Variants in SLC39A10 observed in about 807,000 individuals in gnomAD.
SLC39A10 encodes solute carrier family 39 member 10.
SLC39A10 carries 13 observed loss-of-function variants against 65.1 expected under a neutral mutation model. That is an observed-to-expected ratio of 0.20 (90% CI 0.13 to 0.32). The LOEUF (loss-of-function observed/expected upper bound fraction) is 0.32. SLC39A10 is among the 10% of genes least tolerant of loss of function. The pLI is 1.00. For synonymous variants in SLC39A10, 321 were observed against 342.2 expected, an observed-to-expected ratio of 0.94 and a Z score of 0.68; for missense variants, 831 against 1,018.4, an observed-to-expected ratio of 0.82 and a Z score of 2.50.
intron 8 of SLC39A10, among the ~76,000 whole-genome samples, chr2:195,722,562 G>A (rs1031724543): frequency 7.2e-5 from 11 of 152,178 alleles, no homozygotes; most frequent in Non-Finnish European, 2.9e-5. Flanking sequence ...ATTCTTACTC[G>A]GAGAGGAACA....
At chr2:195,628,404 T>C (rs1688517661) in intron 2 of SLC39A10, among the ~76,000 whole-genome samples, 1 of 152,230 alleles carries the variant, frequency 6.6e-6, no homozygotes, top group Non-Finnish European at 1.5e-5. Flanking sequence ...GATTGTTAAA[T>C]TGCTTTATCA....
At chr2:195,644,494 AC>A (rs1292933879) in intron 2 of SLC39A10, among the ~76,000 whole-genome samples, 1 of 151,824 alleles carries the variant, frequency 6.6e-6, no homozygotes, top group Non-Finnish European at 1.5e-5. Flanking sequence ...GGCATGCACC[AC>A]CACACCCGGC....
At chr2:195,709,521 C>T (rs1264917377) in intron 5 of SLC39A10, among the ~76,000 whole-genome samples, 2 of 152,098 alleles carry the variant, frequency 1.3e-5, no homozygotes, top group African/African-American at 2.4e-5. Context: ...CATGAGCCAC[C>T]ATGCCTGGTG....
At chr2:195,639,159 C>T (rs1230501067) in intron 2 of SLC39A10, among the ~76,000 whole-genome samples, 2 of 152,046 alleles carry the variant, frequency 1.3e-5, no homozygotes, top group Admixed American at 6.5e-5. Flanking sequence ...GCTATGTTGC[C>T]CAGGCTGGTG....
chr2:195,712,113 G>A (rs563518723), intron 5 of SLC39A10, among the ~76,000 whole-genome samples: 2 of 152,174 alleles, frequency 1.3e-5, no homozygotes, highest in Non-Finnish European at 2.9e-5. Context: ...AGGATGTATA[G>A]GGCTGGAAAG....
At chr2:195,677,593 G>T (rs1690143158) in intron 1 of SLC39A10, among the ~76,000 whole-genome samples, 1 of 151,912 alleles carries the variant, frequency 6.6e-6, no homozygotes, top group Non-Finnish European at 1.5e-5. Context: ...CTTTATATAA[G>T]AATTATACTG....
intron 4 of SLC39A10, 140 bp downstream of exon 4, chr2:195,706,925 C>A (rs1227549267): frequency 3.6e-6 from 2 of 560,798 alleles, no homozygotes; most frequent in Non-Finnish European, 5.4e-6. Flanking sequence ...TTTTTTTCTC[C>A]ATTTTCAGAG....
At position 195,705,108 on chromosome 2, in the gene SLC39A10, A is replaced by C. The variant is rs79568426; in HGVS notation, c.1217-1508A>C. ...ACCACGCCAGGCCGCAATCCTCCTCATCCTTTCTTTCCACTAACCAGGATA... is the reference window on the plus strand; with the variant it reads ...ACCACGCCAGGCCGCAATCCTCCTCCTCCTTTCTTTCCACTAACCAGGATA... On this transcript the variant is annotated intron_variant, in intron 3 of 9. Coordinates refer to ENST00000359634, the MANE Select transcript of SLC39A10 (RefSeq NM_020342.3). Among the ~76,000 whole-genome samples the C allele has an allele frequency of 0.019, 2,906 of 152,190 alleles. 233 individuals are homozygous for C. The East Asian group carries it at 0.26, about 14-fold the overall frequency.
At chr2:195,675,866 A>G (rs1190250159) in intron 1 of SLC39A10, among the ~76,000 whole-genome samples, 1 of 152,116 alleles carries the variant, frequency 6.6e-6, no homozygotes, top group Non-Finnish European at 1.5e-5. Context: ...CTGTACCAAT[A>G]TATACTTCCA....
At chr2:195,700,999 G>T (rs1367942450) in intron 3 of SLC39A10, among the ~76,000 whole-genome samples, 3 of 151,604 alleles carry the variant, frequency 2.0e-5, no homozygotes, top group African/African-American at 4.8e-5. Flanking sequence ...AAATATTCTT[G>T]CTGTCCCTCC....
At chr2:195,733,681 C>T (rs986788479) in intron 9 of SLC39A10, among the ~76,000 whole-genome samples, 1 of 152,080 alleles carries the variant, frequency 6.6e-6, no homozygotes, top group African/African-American at 2.4e-5. Flanking sequence ...CAGGCATGCA[C>T]CACCATGCCC....
chr2:195,730,518 A>T (rs1559053504), intron 9 of SLC39A10, among the ~76,000 whole-genome samples: 1 of 152,024 alleles, frequency 6.6e-6, no homozygotes, highest in East Asian at 1.9e-4. Context: ...TTTCTATAAT[A>T]CCACAATTTC....
At chr2:195,636,340 T>G (rs543664478) in intron 2 of SLC39A10, among the ~76,000 whole-genome samples, 231 of 152,378 alleles carry the variant, frequency 1.5e-3, no homozygotes, top group African/African-American at 5.0e-3. Context: ...CATATGTAAT[T>G]GGTTTATTTC....
At chr2:195,702,943 T>G (rs1691250071) in intron 3 of SLC39A10, among the ~76,000 whole-genome samples, 1 of 152,204 alleles carries the variant, frequency 6.6e-6, no homozygotes, top group African/African-American at 2.4e-5. Flanking sequence ...GCATTTTCCA[T>G]GAACTTTTTG....
At chr2:195,669,910 C>T (rs892245699) in intron 1 of SLC39A10, among the ~76,000 whole-genome samples, 3 of 152,168 alleles carry the variant, frequency 2.0e-5, no homozygotes, top group African/African-American at 7.2e-5. Flanking sequence ...CCTGTAATCC[C>T]ACCACTTTGG....
chr2:195,682,571 G>A (rs1690367088), intron 2 of SLC39A10, among the ~76,000 whole-genome samples: 1 of 152,008 alleles, frequency 6.6e-6, no homozygotes. Flanking sequence ...GGATTACAGT[G>A]CATTAATTAT....
intron 1 of SLC39A10, among the ~76,000 whole-genome samples, chr2:195,676,193 C>A (rs898563261): frequency 6.7e-6 from 1 of 149,016 alleles, no homozygotes; most frequent in African/African-American, 2.5e-5. Flanking sequence ...CCTCCCCTGC[C>A]GCCACCGAGA....
rs1404275388 is a variant in SLC39A10, at chr2:195,623,155, G to A, written c.-12+16922G>A. On this transcript the variant is annotated intron_variant, in intron 2 of 2. Transcript: ENST00000458054. ...GAAAGGGGTATGAGGAAAGTTAAGTGTGAAAGTATGTATGTAAATGAATCA... is the reference window on the plus strand; with the variant it reads ...GAAAGGGGTATGAGGAAAGTTAAGTATGAAAGTATGTATGTAAATGAATCA... 5.3e-5 allele frequency among the ~76,000 whole-genome samples: 8 copies of A among 152,196 alleles called. No homozygotes were observed. The East Asian group carries it at 1.5e-3, about 29-fold the overall frequency.
chr2:195,685,610 C>G (rs1206860054), intron 3 of SLC39A10, among the ~76,000 whole-genome samples: 2 of 152,226 alleles, frequency 1.3e-5, no homozygotes, highest in East Asian at 1.9e-4. Flanking sequence ...TTCTAAACCC[C>G]CATGCCTGAC....
Sources: allele counts gnomAD v4.1 joint callset (sites outside exome capture counted in the v4.1 genomes callset), GRCh38; gene constraint gnomAD v4.1.1; transcripts MANE v1.5; gene names NCBI Gene and HGNC (gene_info 2026-07-23, HGNC 2026-07-21).